Variants in CDH13 observed in about 807,000 individuals in gnomAD.
CDH13 encodes the protein cadherin 13.
Under a neutral mutation model 63.8 loss-of-function variants are expected in CDH13, and 24 were observed. That is an observed-to-expected ratio of 0.38 (90% CI 0.27 to 0.53). CDH13 has a LOEUF of 0.53. CDH13 is among the 20% of genes least tolerant of loss of function. CDH13 has a pLI of 0.85. For synonymous variants in CDH13, 503 were observed against 355.3 expected (o/e 1.42, Z -4.67); for missense variants, 1,049 against 903.1 (o/e 1.16, Z -2.07).
intron 11 of CDH13, among the ~76,000 whole-genome samples, chr16:83,774,292 C>G (rs1914958898): frequency 6.6e-6 from 1 of 152,108 alleles, no homozygotes; most frequent in Non-Finnish European, 1.5e-5. Context: ...CACAGGCTGT[C>G]ATAGTCATTT....
chr16:83,267,668 C>T (rs947190697), intron 5 of CDH13, among the ~76,000 whole-genome samples: 1 of 152,174 alleles, frequency 6.6e-6, no homozygotes, highest in African/African-American at 2.4e-5. Flanking sequence ...GCTCACTCAT[C>T]ATATGATGCC....
rs75816738 is a variant in CDH13 at position 83,685,540 on chromosome 16, T to C, written c.1538+7079T>C. ...GGGCCTGACGCTGTGCTAGGTGCTGTAAATTCACTGGTGAAAGAAATAGTC... is the reference window on the plus strand; with the variant it reads ...GGGCCTGACGCTGTGCTAGGTGCTGCAAATTCACTGGTGAAAGAAATAGTC... On this transcript the variant is annotated intron_variant, in intron 10 of 13. Transcript: ENST00000567109. Among the ~76,000 whole-genome samples the C allele has an allele frequency of 2.2e-3, 338 of 152,318 alleles. 1 individual carries two copies. The highest frequency in any genetic ancestry group is 7.9e-3 in the African/African-American group (330 of 41,562).
rs1006905244 is a variant in CDH13, at chr16:83,034,238, C to T, written c.366+2020C>T. The stretch of plus-strand genomic sequence containing the variant: ...GAGTATCCTTCTCACTGCAATGCTT[C>T]TGGAACCTACTATCAATTGATCATT... On this transcript the variant is annotated intron_variant, in intron 3 of 13. Coordinates refer to ENST00000567109, the MANE Select transcript of CDH13 (RefSeq NM_001257.5). 5.3e-5 allele frequency among the ~76,000 whole-genome samples: 8 copies of T among 152,270 alleles called. No individual in the cohort carries two copies. The East Asian group carries it at 9.7e-4, about 18-fold the overall frequency.
At chr16:83,444,223 GTAA>G (rs1432799658) in intron 6 of CDH13, among the ~76,000 whole-genome samples, 1 of 152,074 alleles carries the variant, frequency 6.6e-6, no homozygotes, top group Non-Finnish European at 1.5e-5. Flanking sequence ...GATGACCATA[GTAA>G]TGATGATGAT....
At chr16:83,005,714 T>C (rs191473000) in intron 2 of CDH13, among the ~76,000 whole-genome samples, 2 of 152,370 alleles carry the variant, frequency 1.3e-5, no homozygotes, top group African/African-American at 4.8e-5. Flanking sequence ...ATTGGTTCTC[T>C]GACTCCAACA....
Position 82,724,097 on chromosome 16 carries a change from C to G in CDH13, c.45+96960C>G, listed in dbSNP as rs1597408744. Reference sequence around the variant, plus strand: ...GTGGGTCACAGCCTGATCCTTTAGGCCTTGTGAAGCTTGAAAGATCCTACA... The same window carrying G: ...GTGGGTCACAGCCTGATCCTTTAGGGCTTGTGAAGCTTGAAAGATCCTACA... On this transcript the variant is annotated intron_variant, in intron 1 of 13. Transcript: ENST00000567109. Among the ~76,000 whole-genome samples the G allele has an allele frequency of 3.3e-5, 5 of 152,240 alleles. No homozygotes were observed. In the South Asian group the frequency reaches 1.0e-3, roughly 32 times the overall value.
At position 83,049,568 on chromosome 16, in the gene CDH13, C is replaced by G. The variant is rs552739222; in HGVS notation, c.366+17350C>G. Among the ~76,000 whole-genome samples the G allele has an allele frequency of 2.6e-5, 4 of 152,184 alleles. No individual in the cohort carries two copies. The South Asian group carries it at 6.2e-4, about 24-fold the overall frequency. On this transcript the variant is annotated intron_variant, in intron 3 of 13. Coordinates refer to ENST00000567109, the MANE Select transcript of CDH13 (RefSeq NM_001257.5). ...GCCAGGATGGTGTCAATCTCCTGAC[C>G]TCGTGATCCGCCTGCCTCAGCCTCC...
chr16:83,406,588 C>G lies in CDH13; in HGVS notation c.781+61582C>G, dbSNP rs910636670. Among the ~76,000 whole-genome samples, 11 of 152,266 alleles carry G rather than the reference C, an allele frequency of 7.2e-5. No individual in the cohort carries two copies. In the South Asian group the frequency reaches 2.3e-3, roughly 32 times the overall value. ...CAGCGATTCTCCTGCCTTAGCCTCCCAAGTAGTTGGGACTACAGGCGCACA... is the reference window on the plus strand; with the variant it reads ...CAGCGATTCTCCTGCCTTAGCCTCCGAAGTAGTTGGGACTACAGGCGCACA... On this transcript the variant is annotated intron_variant, in intron 6 of 13. Coordinates refer to ENST00000567109, the MANE Select transcript of CDH13 (RefSeq NM_001257.5).
At chr16:83,008,569 A>T (rs1466556204) in intron 2 of CDH13, among the ~76,000 whole-genome samples, 1 of 152,194 alleles carries the variant, frequency 6.6e-6, no homozygotes, top group Non-Finnish European at 1.5e-5. Context: ...ACTCCTAATT[A>T]GGTGGTTTTC....
intron 8 of CDH13, among the ~76,000 whole-genome samples, chr16:83,647,984 C>G (rs1200876914): frequency 1.3e-5 from 2 of 152,160 alleles, no homozygotes; most frequent in Middle Eastern, 3.2e-3. Context: ...GATAAGGTAA[C>G]AGCATTATCC....
At chr16:82,915,677 T>C (rs1485498717) in intron 2 of CDH13, among the ~76,000 whole-genome samples, 1 of 151,778 alleles carries the variant, frequency 6.6e-6, no homozygotes, top group African/African-American at 2.4e-5. Context: ...CAGGTGACGT[T>C]TGTGAAAGGG....
chr16:83,093,897 C>T (rs751193895), intron 3 of CDH13, among the ~76,000 whole-genome samples: 6 of 152,150 alleles, frequency 3.9e-5, no homozygotes, highest in Non-Finnish European at 7.4e-5. Context: ...GTGGGAACTC[C>T]GTAAAAGAGG....
At chr16:83,004,186 C>A (rs1014820880) in intron 2 of CDH13, among the ~76,000 whole-genome samples, 3 of 152,148 alleles carry the variant, frequency 2.0e-5, no homozygotes, top group African/African-American at 7.2e-5. Context: ...TTCCTTATAC[C>A]GTGAGTATCT....
rs1217978836 is a variant in CDH13 at position 83,486,634 on chromosome 16, A to G, written c.939A>G (p.Ser313=). ...AAGGAGACATTGTCACTGTTGTGTC[A>G]CCTGCGCTGCTGGACCGAGAGGTGA... ...PEKGDIVTVV[S]PALLDRETLE... Residue 313 remains serine, a synonymous_variant, in exon 7 of 14, where the codon TCA becomes TCG. Coordinates refer to ENST00000567109, the MANE Select transcript of CDH13 (RefSeq NM_001257.5). 1.2e-6 allele frequency: 2 copies of G among 1,613,772 alleles called. No homozygotes were observed. Among genetic ancestry groups the G allele is most frequent in the African/African-American group, 2.7e-5 (2 of 74,924 alleles).
chr16:83,423,760 G>A (rs1242570691), intron 6 of CDH13, among the ~76,000 whole-genome samples: 4 of 152,106 alleles, frequency 2.6e-5, no homozygotes, highest in Non-Finnish European at 5.9e-5. Flanking sequence ...CTGGTTGTGG[G>A]GACTGCAAGA....
At chr16:83,347,579 C>G (rs1418677867) in intron 6 of CDH13, among the ~76,000 whole-genome samples, 1 of 152,172 alleles carries the variant, frequency 6.6e-6, no homozygotes, top group Non-Finnish European at 1.5e-5. Flanking sequence ...TGTACAACAT[C>G]ATTTCATCCA....
chr16:82,828,916 G>A (rs1411752836), intron 1 of CDH13, among the ~76,000 whole-genome samples: 1 of 152,114 alleles, frequency 6.6e-6, no homozygotes, highest in Non-Finnish European at 1.5e-5. Flanking sequence ...GTCCCTCACA[G>A]ATACCAAGGG....
intron 4 of CDH13, among the ~76,000 whole-genome samples, chr16:83,193,250 T>C (rs1597493763): frequency 6.6e-6 from 1 of 151,914 alleles, no homozygotes; most frequent in Non-Finnish European, 1.5e-5. Flanking sequence ...CATGATATCA[T>C]GCAAATCTTG....
intron 1 of CDH13, among the ~76,000 whole-genome samples, chr16:82,779,154 C>G (rs1181854860): frequency 6.6e-6 from 1 of 152,198 alleles, no homozygotes. Flanking sequence ...GTAGCAGTTA[C>G]TGTATGCTAG....
Sources: allele counts gnomAD v4.1 joint callset (sites outside exome capture counted in the v4.1 genomes callset), GRCh38; gene constraint gnomAD v4.1.1; transcripts MANE v1.5; gene names NCBI Gene and HGNC (gene_info 2026-07-23, HGNC 2026-07-21).